FMO1: variants seen among roughly 807,000 people sequenced by gnomAD.
The protein encoded by FMO1 is flavin containing dimethylaniline monoxygenase 1.
FMO1 carries 36 observed loss-of-function variants against 45.4 expected under a neutral mutation model. The ratio of observed to expected loss-of-function variants is 0.79; its 90% CI spans 0.61 to 1.05. The LOEUF (loss-of-function observed/expected upper bound fraction) is 1.05, where lower values mean the gene tolerates loss of function less well. Among genes scored for constraint, FMO1 ranks in the 50% least tolerant of loss-of-function variants. The pLI, the probability that FMO1 is intolerant of heterozygous loss-of-function variation, is 0.00. For synonymous variants in FMO1, 228 were observed against 227.2 expected, an observed-to-expected ratio of 1.00 and a Z score of -0.03; for missense variants, 615 against 640.3, an observed-to-expected ratio of 0.96 and a Z score of 0.43.
At chr1:171,283,733 T>A (rs1316921518) in intron 8 of FMO1, among the ~76,000 whole-genome samples, 1 of 152,150 alleles carries the variant, frequency 6.6e-6, no homozygotes, top group Non-Finnish European at 1.5e-5. Context: ...TTGTAGCATG[T>A]GAAAAAATCA....
intron 3 of FMO1, among the ~76,000 whole-genome samples, chr1:171,273,438 ATCT>A (rs1038915181): frequency 1.3e-5 from 2 of 152,216 alleles, no homozygotes; most frequent in Admixed American, 6.5e-5. Flanking sequence ...ACATATAAAA[ATCT>A]TCTTTTTAAT....
In FMO1 at chr1:171,277,878, T is replaced by C. The variant is rs1209993155; in HGVS notation, c.485-851T>C. Among the ~76,000 whole-genome samples the C allele has an allele frequency of 8.5e-5, 13 of 152,252 alleles. No individual in the cohort carries two copies. In the East Asian group the frequency reaches 2.3e-3, roughly 27 times the overall value. ...CACTCCCCACAAGTATATACATTTT[T>C]CCCCTGAGAATGTAGAGGTCTTATT... On this transcript the variant is annotated intron_variant, in intron 4 of 8. Coordinates refer to ENST00000617670, the MANE Select transcript of FMO1 (RefSeq NM_001282693.2).
At chr1:171,284,876 C>A (rs1248438309) in intron 8 of FMO1, among the ~76,000 whole-genome samples, 2 of 151,782 alleles carry the variant, frequency 1.3e-5, no homozygotes, top group Non-Finnish European at 2.9e-5. Context: ...TTTGTTATTA[C>A]TGAATAATGG....
chr1:171,255,262 C>T (rs188830913), intron 1 of FMO1, among the ~76,000 whole-genome samples: 1 of 152,186 alleles, frequency 6.6e-6, no homozygotes, highest in East Asian at 1.9e-4. Flanking sequence ...TTTTCAGTTC[C>T]ACCGCTGGCC....
In FMO1 at chr1:171,280,825, C is replaced by A; in HGVS notation, c.667C>A (p.Arg223=). The change falls in exon 6 of 9, where the codon CGA becomes AGA. Residue 223 remains arginine (R), a synonymous_variant. Transcript: ENST00000617670. ...STTGGGWVIS[R]IFDSGYPWDM... is the part of the protein sequence containing the mutation. ...CACCGGAGGGGGATGGGTGATCAGC[C>A]GAATCTTTGACTCGGGCTACCCATG... 1.9e-6 allele frequency: 3 copies of A among 1,613,426 alleles called. No individual in the cohort carries two copies. The highest frequency in any genetic ancestry group is 2.5e-6 in the Non-Finnish European group (3 of 1,179,842).
chr1:171,262,304 G>A lies in FMO1; in HGVS notation c.132+4085G>A, dbSNP rs151211989. Among the ~76,000 whole-genome samples, 82 of 152,006 alleles carry A rather than the reference G, an allele frequency of 5.4e-4. 1 individual carries two copies. The East Asian group carries it at 0.013, about 25-fold the overall frequency. ...ATGAAAATTAGCCAGGCATGGTGGC[G>A]TGCGCCTGTAATCCCAGCTACCCAG... On this transcript the variant is annotated intron_variant, in intron 2 of 8. Coordinates refer to ENST00000617670, the MANE Select transcript of FMO1 (RefSeq NM_001282693.2).
At chr1:171,267,424 G>T in intron 2 of FMO1, 119 bp from the exon 3 acceptor site, 1 of 629,656 alleles carries the variant, frequency 1.6e-6, no homozygotes, top group Non-Finnish European at 2.6e-6. Context: ...TGATTCTCAT[G>T]TATTTCTATA....
intron 2 of FMO1, among the ~76,000 whole-genome samples, chr1:171,266,619 T>C (rs893201645): frequency 1.3e-5 from 2 of 152,252 alleles, no homozygotes; most frequent in Non-Finnish European, 2.9e-5. Context: ...CTATATATGA[T>C]ATCAATTCAC....
At chr1:171,271,531 C>A in intron 3 of FMO1, 1 of 839,986 alleles carries the variant, frequency 1.2e-6, no homozygotes, top group Non-Finnish European at 2.1e-6. Context: ...CAAGTTTGCA[C>A]AAAAAATGCA....
Position 171,285,691 on chromosome 1 carries a change from C to T in FMO1, c.*147C>T. On this transcript the variant is annotated 3_prime_UTR_variant, in exon 9 of 9. Transcript: ENST00000617670. The stretch of plus-strand genomic sequence containing the variant: ...CTTCCCTGGCTGGCCCCAGGGCTAC[C>T]ACTGGTATTCCTGAGCCTCTCCCAG... 2.3e-6 allele frequency: 1 copy of T among 441,258 alleles called. No homozygotes were observed. The highest frequency in any genetic ancestry group is 3.5e-5 in the East Asian group (1 of 28,726). 27.3% of individuals were successfully genotyped at this position (441,258 alleles called of 1,614,324 possible).
At chr1:171,265,391 AAAAAAAGAAAAAT>A (rs1224848211) in intron 2 of FMO1, among the ~76,000 whole-genome samples, 2,016 of 151,382 alleles carry the variant, frequency 0.013, 39 homozygotes, top group African/African-American at 0.044. Flanking sequence ...GCTCCGTCTC[AAAAAAAGAAAAAT>A]AAAAAAGAAA....
At chr1:171,257,078 T>C (rs12141357) in intron 1 of FMO1, among the ~76,000 whole-genome samples, 2,182 of 152,352 alleles carry the variant, frequency 0.014, 21 homozygotes, top group African/African-American at 0.024. Context: ...CCAGGAGCTA[T>C]TCTGAGACGC....
intron 4 of FMO1, among the ~76,000 whole-genome samples, chr1:171,278,002 A>G (rs535033164): frequency 6.6e-6 from 1 of 152,312 alleles, no homozygotes; most frequent in African/African-American, 2.4e-5. Flanking sequence ...TATTGCTGTT[A>G]AAAAAGAAAA....
At chr1:171,251,369 T>C (rs1659880385) in intron 1 of FMO1, among the ~76,000 whole-genome samples, 2 of 151,140 alleles carry the variant, frequency 1.3e-5, no homozygotes, top group South Asian at 4.2e-4. Context: ...TATTCATCCA[T>C]TGCTGGGTCA....
At chr1:171,284,304 A>G (rs1322388631) in intron 8 of FMO1, among the ~76,000 whole-genome samples, 1 of 152,180 alleles carries the variant, frequency 6.6e-6, no homozygotes, top group Admixed American at 6.5e-5. Context: ...CCAAATTCCA[A>G]AACAATAATA....
chr1:171,270,978 TTCTTCA>T, intron 3 of FMO1: 1 of 893,404 alleles, frequency 1.1e-6, no homozygotes, highest in Non-Finnish European at 1.8e-6. Flanking sequence ...CATCTTCATC[TTCTTCA>T]TCTACCTCCT....
At chr1:171,257,391 G>A (rs1015995913) in intron 1 of FMO1, among the ~76,000 whole-genome samples, 1 of 152,116 alleles carries the variant, frequency 6.6e-6, no homozygotes. Flanking sequence ...GTATCCAATT[G>A]AGAAGGGAGG....
In FMO1 at chr1:171,275,363, A is replaced by G; in HGVS notation, c.339A>G (p.Val113=). The G allele has an allele frequency of 6.2e-7, 1 of 1,613,952 alleles. No homozygotes were observed. Among genetic ancestry groups the G allele is most frequent in the Non-Finnish European group, 8.5e-7 (1 of 1,179,918 alleles). ...TTTTTCAGACCAAAGTCTGCAGTGTAACAAAATGCTCAGATTCTGCTGTCT... is the reference window on the plus strand; with the variant it reads ...TTTTTCAGACCAAAGTCTGCAGTGTGACAAAATGCTCAGATTCTGCTGTCT... ...HIQFKTKVCS[V]TKCSDSAVSG... is the part of the protein sequence containing the mutation. The change falls in exon 4 of 9, where the codon GTA becomes GTG. Residue 113 remains valine, a synonymous_variant. Coordinates refer to ENST00000617670, the MANE Select transcript of FMO1 (RefSeq NM_001282693.2).
rs74122301 is a variant in FMO1 at position 171,252,671 on chromosome 1, C to G, written c.-7+4048C>G. Among the ~76,000 whole-genome samples, 771 of 152,304 alleles carry G rather than the reference C, an allele frequency of 5.1e-3. 13 individuals are homozygous for G. The highest frequency in any genetic ancestry group is 0.014 in the African/African-American group (581 of 41,562). ...GCTGTGGCTGCAGGGACTTAACTTACAGGGAGGGGCCTGTGGCAGCTGCCA... is the reference window on the plus strand; with the variant it reads ...GCTGTGGCTGCAGGGACTTAACTTAGAGGGAGGGGCCTGTGGCAGCTGCCA... On this transcript the variant is annotated intron_variant, in intron 1 of 8. Transcript: ENST00000617670.
Sources: gnomAD v4.1 joint callset for allele counts (sites outside exome capture counted in the v4.1 genomes callset) on GRCh38, gnomAD v4.1.1 for gene constraint, MANE v1.5 for transcripts, NCBI Gene and HGNC (gene_info 2026-07-23, HGNC 2026-07-21) for gene names.